The following RTN1 variants were observed in gnomAD, a reference collection of about 807,000 sequenced individuals.
RTN1 encodes reticulon-1.
RTN1 carries 25 observed loss-of-function variants against 65.5 expected under a neutral mutation model. The ratio of observed to expected loss-of-function variants is 0.38; its 90% CI spans 0.28 to 0.53. The LOEUF (loss-of-function observed/expected upper bound fraction) is 0.53, where lower values mean the gene tolerates loss of function less well. RTN1 is among the 20% of genes least tolerant of loss of function. The pLI is 0.79. For synonymous variants in RTN1, 471 were observed against 447.6 expected, an observed-to-expected ratio of 1.05 and a Z score of -0.66; for missense variants, 983 against 1,025.4, an observed-to-expected ratio of 0.96 and a Z score of 0.57.
In RTN1 at chr14:59,821,551, T is replaced by G. The variant is rs868218759; in HGVS notation, c.241+48839A>C. On this transcript the variant is annotated intron_variant, in intron 1 of 8. Coordinates refer to ENST00000267484, the MANE Select transcript of RTN1 (RefSeq NM_021136.3). ...TCTGGGTAGGACTTCCAATAGTATG[T>G]TGAATAGGAATGAAGACAGTGGGCA... 1.7e-4 allele frequency among the ~76,000 whole-genome samples: 26 copies of G among 152,332 alleles called. No individual in the cohort carries two copies. In the South Asian group the frequency reaches 3.1e-3, roughly 18 times the overall value.
intron 3 of RTN1, among the ~76,000 whole-genome samples, chr14:59,723,442 TAAA>T (rs1190680372): frequency 7.1e-6 from 1 of 140,008 alleles, no homozygotes. Flanking sequence ...CCATCTCCAC[TAAA>T]AAAAAAAAAA....
chr14:59,805,849 T>C (rs1464903018), intron 1 of RTN1, among the ~76,000 whole-genome samples: 3 of 152,186 alleles, frequency 2.0e-5, no homozygotes, highest in African/African-American at 7.2e-5. Flanking sequence ...AAAGACTGCC[T>C]TTCATTTTGT....
chr14:59,837,574 T>C (rs1887235372), intron 1 of RTN1, among the ~76,000 whole-genome samples: 1 of 151,990 alleles, frequency 6.6e-6, no homozygotes, highest in Non-Finnish European at 1.5e-5. Context: ...TAAAGAACTT[T>C]TATCAAGAGA....
intron 1 of RTN1, among the ~76,000 whole-genome samples, chr14:59,815,742 C>T (rs1886808966): frequency 6.6e-6 from 1 of 152,178 alleles, no homozygotes; most frequent in South Asian, 2.1e-4. Context: ...ATTTCACACT[C>T]CTCCCTTCCC....
chr14:59,796,873 A>G (rs1886449276), intron 1 of RTN1, among the ~76,000 whole-genome samples: 1 of 152,140 alleles, frequency 6.6e-6, no homozygotes, highest in Non-Finnish European at 1.5e-5. Context: ...GAAGGCGGCG[A>G]TTTTATCCTG....
At chr14:59,728,091 T>C (rs1195280174) in intron 2 of RTN1, among the ~76,000 whole-genome samples, 1 of 152,168 alleles carries the variant, frequency 6.6e-6, no homozygotes, top group Non-Finnish European at 1.5e-5. Flanking sequence ...TATACAGCAC[T>C]CTAATTGGGC....
intron 3 of RTN1, among the ~76,000 whole-genome samples, chr14:59,643,665 T>C (rs548693056): frequency 1.7e-4 from 26 of 152,048 alleles, no homozygotes; most frequent in Non-Finnish European, 2.6e-4. Context: ...GGATACACAA[T>C]AAAAACAAAA....
chr14:59,666,962 C>CAAAAA (rs146213616), intron 3 of RTN1, among the ~76,000 whole-genome samples: 53 of 60,070 alleles, frequency 8.8e-4, no homozygotes, highest in Non-Finnish European at 1.1e-3. Flanking sequence ...GCCGACCAAC[C>CAAAAA]AAAAAAAAAA....
intron 1 of RTN1, among the ~76,000 whole-genome samples, chr14:59,788,836 T>A (rs1320526237): frequency 6.6e-6 from 1 of 152,204 alleles, no homozygotes; most frequent in Admixed American, 6.5e-5. Flanking sequence ...TTTTTCCAGA[T>A]GAACTTGTCA....
chr14:59,654,798 A>G (rs1174707950), intron 3 of RTN1, among the ~76,000 whole-genome samples: 6 of 152,220 alleles, frequency 3.9e-5, no homozygotes, highest in Admixed American at 3.9e-4. Context: ...CACTAAGAAC[A>G]GTAGAAAACT....
intron 1 of RTN1, among the ~76,000 whole-genome samples, chr14:59,863,976 A>G (rs977273980): frequency 2.0e-5 from 3 of 152,198 alleles, no homozygotes; most frequent in Non-Finnish European, 4.4e-5. Context: ...TTTCTTTCTC[A>G]GATTATTGCA....
chr14:59,678,706 T>C (rs1437153059), intron 3 of RTN1, among the ~76,000 whole-genome samples: 1 of 152,124 alleles, frequency 6.6e-6, no homozygotes, highest in Non-Finnish European at 1.5e-5. Context: ...ACCTCCACTG[T>C]CCCCATTGTC....
intron 3 of RTN1, among the ~76,000 whole-genome samples, chr14:59,661,965 C>G (rs1883257909): frequency 6.6e-6 from 1 of 152,130 alleles, no homozygotes; most frequent in Non-Finnish European, 1.5e-5. Flanking sequence ...CAAATTGTCC[C>G]TGTTTGCAGA....
chr14:59,610,052 G>C (rs914686353), intron 3 of RTN1: 20 of 746,888 alleles, frequency 2.7e-5, no homozygotes, highest in Non-Finnish European at 5.0e-5. Context: ...CCTGAAAGGA[G>C]TTTTCAGACA....
intron 1 of RTN1, among the ~76,000 whole-genome samples, chr14:59,860,686 G>A (rs1019003111): frequency 1.3e-5 from 2 of 152,160 alleles, no homozygotes; most frequent in Non-Finnish European, 2.9e-5. Context: ...AAAGCCACAG[G>A]GGCAGAGCTT....
intron 1 of RTN1, among the ~76,000 whole-genome samples, chr14:59,762,142 G>A (rs779500356): frequency 7.9e-5 from 12 of 152,002 alleles, no homozygotes; most frequent in Non-Finnish European, 1.6e-4. Context: ...TGTGTGGTGT[G>A]GTATGCTTCA....
intron 1 of RTN1, among the ~76,000 whole-genome samples, chr14:59,813,297 T>C (rs188341700): frequency 6.6e-6 from 1 of 152,328 alleles, no homozygotes; most frequent in East Asian, 1.9e-4. Flanking sequence ...CATCTAAAAA[T>C]CTTCCACGAG....
At chr14:59,622,238 G>A (rs1207261503) in intron 3 of RTN1, among the ~76,000 whole-genome samples, 2 of 152,234 alleles carry the variant, frequency 1.3e-5, no homozygotes, top group African/African-American at 2.4e-5. Context: ...CTACTTGGGA[G>A]GCTGAGGCAG....
chr14:59,635,109 A>C (rs1474467853), intron 3 of RTN1, among the ~76,000 whole-genome samples: 1 of 152,228 alleles, frequency 6.6e-6, no homozygotes. Context: ...ACCCCGACCC[A>C]CATTATAGTG....
Sources: allele counts gnomAD v4.1 joint callset (sites outside exome capture counted in the v4.1 genomes callset), GRCh38; gene constraint gnomAD v4.1.1; transcripts MANE v1.5; gene names NCBI Gene and HGNC (gene_info 2026-07-23, HGNC 2026-07-21).